Variants in SSC4D observed in about 807,000 individuals in gnomAD.
SSC4D encodes scavenger receptor cysteine-rich domain-containing group B protein.
A neutral mutation model predicts 63.4 loss-of-function variants in SSC4D; 57 were observed. The observed-to-expected ratio is 0.90, with a 90% CI of 0.73 to 1.12. The LOEUF is 1.12. SSC4D is among the 50% of genes most tolerant of loss of function. SSC4D has a pLI of 0.00. For synonymous variants in SSC4D, 352 were observed against 345.4 expected (o/e 1.02, Z -0.21); for missense variants, 791 against 806.4 (o/e 0.98, Z 0.23).
intron 5 of SSC4D, 46 bp from the exon 6 acceptor site, chr7:76,397,878 GC>G: frequency 6.8e-7 from 1 of 1,465,690 alleles, no homozygotes; most frequent in African/African-American, 1.4e-5. Context: ...ACTGGCCTCT[GC>G]CCCCGTCCGC....
At chr7:76,404,532 T>G in intron 1 of SSC4D, 27 bp from the exon 2 acceptor site, 1 of 1,597,346 alleles carries the variant, frequency 6.3e-7, no homozygotes, top group Non-Finnish European at 8.5e-7. Context: ...CAAATGTTGC[T>G]GGGCCTCCCA....
At chr7:76,405,112 AT>A (rs563928283) in intron 1 of SSC4D, among the ~76,000 whole-genome samples, 14 of 143,372 alleles carry the variant, frequency 9.8e-5, no homozygotes, top group South Asian at 2.3e-4. Flanking sequence ...AAATTAGTAG[AT>A]TTTTTTTTTC....
Position 76,393,710 on chromosome 7 carries a change from C to T in SSC4D, c.1028G>A (p.Arg343Gln). 1 of 1,392,326 alleles carries T rather than the reference C, an allele frequency of 7.2e-7. No individual in the cohort carries two copies. Among genetic ancestry groups the T allele is most frequent in the Non-Finnish European group, 9.3e-7 (1 of 1,080,614 alleles). 86.2% of individuals were successfully genotyped at this position (1,392,326 alleles called of 1,614,324 possible). Residue 343 changes from arginine (R) to glutamine (Q), a missense_variant, in exon 9 of 11, where the codon CGG (arginine) becomes CAG (glutamine). Transcript: ENST00000275560. ...AAWAAGKKSGRLRLVGGPGPC... is the reference protein window; with the variant it reads ...AAWAAGKKSGQLRLVGGPGPC... Reference sequence around the variant, plus strand: ...ACCCGGGCCGCCCACCAGTCGCAGCCGTCCACCTGCGGGGCGCACAGGCCC... The same window carrying T: ...ACCCGGGCCGCCCACCAGTCGCAGCTGTCCACCTGCGGGGCGCACAGGCCC...
In SSC4D at chr7:76,400,433, G is replaced by C. The variant is rs1319151036; in HGVS notation, c.328C>G (p.Pro110Ala). 3 of 1,607,172 alleles carry C rather than the reference G, an allele frequency of 1.9e-6. No homozygotes were observed. Among genetic ancestry groups the C allele is most frequent in the Non-Finnish European group, 2.6e-6 (3 of 1,175,888 alleles). ...CCTCGGCCTTGGCCAAAGGCAAGGG[G>C]CCGTGGCACGGGCAGTGCCAGGCCA... ...GCGLALPVPRPLAFGQGRGPI... is the reference protein window; with the variant it reads ...GCGLALPVPRALAFGQGRGPI... Residue 110 changes from proline (P) to alanine (A), a missense_variant, in exon 4 of 11, where the codon CCC (proline) becomes GCC (alanine). Transcript: ENST00000275560.
chr7:76,400,643 C>T (rs1468379164), intron 3 of SSC4D, 52 bp from the exon 4 acceptor site: 24 of 1,407,838 alleles, frequency 1.7e-5, no homozygotes, highest in Non-Finnish European at 2.2e-5. Flanking sequence ...CAACCTCCAG[C>T]ATGCCCACTC....
At chr7:76,392,157 T>G (rs892068640) in intron 9 of SSC4D, 116 bp from the exon 10 acceptor site, 2 of 995,166 alleles carry the variant, frequency 2.0e-6, no homozygotes, top group African/African-American at 3.3e-5. Flanking sequence ...CAAAAAGGAC[T>G]TCACAGGTTC....
intron 2 of SSC4D, among the ~76,000 whole-genome samples, chr7:76,402,069 G>T (rs1804847971): frequency 2.0e-5 from 3 of 151,616 alleles, no homozygotes; most frequent in Admixed American, 2.0e-4. Context: ...ACCCAGCCTG[G>T]AGTGCAGTGA....
At chr7:76,396,700 G>A (rs771044425) in intron 6 of SSC4D, among the ~76,000 whole-genome samples, 1 of 152,180 alleles carries the variant, frequency 6.6e-6, no homozygotes, top group Non-Finnish European at 1.5e-5. Flanking sequence ...CTATACACTG[G>A]GAATGATAGC....
In SSC4D at chr7:76,397,623, T is replaced by G; in HGVS notation, c.763A>C (p.Asn255His). 1.2e-6 allele frequency: 2 copies of G among 1,613,364 alleles called. No homozygotes were observed. The highest frequency in any genetic ancestry group is 1.7e-6 in the Non-Finnish European group (2 of 1,179,774). The change falls in exon 6 of 11, where the codon AAC becomes CAC. Residue 255 changes from asparagine (N) to histidine (H), a missense_variant. Asn to His is a moderately conservative substitution (Grantham distance 68). Transcript: ENST00000275560. Reference protein sequence around the residue: ...GYGTGHILLDNVHCEGGEPRL... With the variant: ...GYGTGHILLDHVHCEGGEPRL... Reference sequence around the variant, plus strand: ...GGCTCGCCGCCTTCGCAGTGCACGTTGTCCAGCAGGATGTGTCCGGTGCCA... The same window carrying G: ...GGCTCGCCGCCTTCGCAGTGCACGTGGTCCAGCAGGATGTGTCCGGTGCCA...
At chr7:76,390,458 G>T in intron 10 of SSC4D, 83 bp from the exon 11 acceptor site, 1 of 1,316,522 alleles carries the variant, frequency 7.6e-7, no homozygotes, top group Non-Finnish European at 1.0e-6. Context: ...AGTAAAGAGA[G>T]GTCTGAGACA....
chr7:76,404,294 G>A lies in SSC4D; in HGVS notation c.133+13C>T. 2 of 1,582,812 alleles carry A rather than the reference G, an allele frequency of 1.3e-6. No individual in the cohort carries two copies. The highest frequency in any genetic ancestry group is 8.6e-7 in the Non-Finnish European group (1 of 1,164,894). ...AAAGAGGAAGTGGCAAGGGCTAACA[G>A]GGGAGGACTCACCCAGTGGCAGGAG... On this transcript the variant is annotated intron_variant, in intron 2 of 10. Transcript: ENST00000275560.
At chr7:76,406,314 C>CA (rs1805030891) in intron 1 of SSC4D, among the ~76,000 whole-genome samples, 2 of 152,122 alleles carry the variant, frequency 1.3e-5, no homozygotes, top group African/African-American at 4.8e-5. Context: ...CCACGGACAG[C>CA]AACCCACTTA....
intron 2 of SSC4D, among the ~76,000 whole-genome samples, 153 bp downstream of exon 2, chr7:76,404,154 C>A (rs1804922818): frequency 1.3e-5 from 2 of 152,144 alleles, no homozygotes; most frequent in South Asian, 2.1e-4. Context: ...AACTCAGACT[C>A]TTAGCTCTTT....
chr7:76,393,120 G>T (rs887111103), intron 9 of SSC4D, among the ~76,000 whole-genome samples: 1 of 152,164 alleles, frequency 6.6e-6, no homozygotes, highest in Admixed American at 6.5e-5. Flanking sequence ...TCTCGAACTG[G>T]GATCGGCCTT....
At chr7:76,391,666 C>T (rs553584151) in intron 10 of SSC4D, among the ~76,000 whole-genome samples, 1 of 152,106 alleles carries the variant, frequency 6.6e-6, no homozygotes, top group East Asian at 1.9e-4. Context: ...CCTGCACCCC[C>T]CTGGGCTCCC....
chr7:76,392,591 G>A (rs1254444019), intron 9 of SSC4D, among the ~76,000 whole-genome samples: 1 of 150,818 alleles, frequency 6.6e-6, no homozygotes, highest in African/African-American at 2.4e-5. Context: ...AGGAGTTCGA[G>A]AGTAGCCTGG....
intron 9 of SSC4D, among the ~76,000 whole-genome samples, chr7:76,393,008 C>T (rs989844832): frequency 1.9e-4 from 29 of 152,326 alleles, no homozygotes; most frequent in Non-Finnish European, 3.5e-4. Flanking sequence ...AGGTCACACG[C>T]TAGCTCTGGT....
chr7:76,399,035 G>A (rs1192700734), intron 4 of SSC4D, among the ~76,000 whole-genome samples: 4 of 152,062 alleles, frequency 2.6e-5, no homozygotes, highest in African/African-American at 9.7e-5. Context: ...TTTTTGAGAT[G>A]GAGTCTTGCT....
chr7:76,390,178 G>A lies in SSC4D; in HGVS notation c.1609C>T (p.Leu537=). 6.2e-7 allele frequency: 1 copy of A among 1,614,244 alleles called. No individual in the cohort carries two copies. Among genetic ancestry groups the A allele is most frequent in the Non-Finnish European group, 8.5e-7 (1 of 1,180,044 alleles). Residue 537 remains leucine (L), a synonymous_variant, in exon 11 of 11, where the codon CTG becomes TTG. Transcript: ENST00000275560. ...TCCCCACGGCACTTGACATTGTCCAGGAGAATGGGGCCTCGGCCTGGGCCA... is the reference window on the plus strand; with the variant it reads ...TCCCCACGGCACTTGACATTGTCCAAGAGAATGGGGCCTCGGCCTGGGCCA... ...HFGPGRGPIL[L]DNVKCRGEES...
Sources: gnomAD v4.1 joint callset for allele counts (sites outside exome capture counted in the v4.1 genomes callset) on GRCh38, gnomAD v4.1.1 for gene constraint, MANE v1.5 for transcripts, NCBI Gene and HGNC (gene_info 2026-07-23, HGNC 2026-07-21) for gene names.